CACNA2D1: variants seen among roughly 807,000 people sequenced by gnomAD.
The protein encoded by CACNA2D1 is voltage-dependent calcium channel subunit alpha-2/delta-1.
CACNA2D1 carries 53 observed loss-of-function variants against 171.5 expected under a neutral mutation model. The ratio of observed to expected loss-of-function variants is 0.31; its 90% CI spans 0.25 to 0.39. The LOEUF is 0.39. Among genes scored for constraint, CACNA2D1 ranks in the 10% least tolerant of loss-of-function variants. CACNA2D1 has a pLI of 1.00. For synonymous variants in CACNA2D1, 442 were observed against 443.1 expected (o/e 1.00, Z 0.03); for missense variants, 903 against 1,299.8 (o/e 0.69, Z 4.69).
rs369029521 is a variant in CACNA2D1 at position 82,069,938 on chromosome 7, T to C, written c.659-3414A>G. Among the ~76,000 whole-genome samples, 13 of 152,292 alleles carry C rather than the reference T, an allele frequency of 8.5e-5. 1 individual carries two copies. Among genetic ancestry groups the C allele is most frequent in the Admixed American group, 7.2e-4 (11 of 15,276 alleles). On this transcript the variant is annotated intron_variant, in intron 7 of 38. Coordinates refer to ENST00000356860, the MANE Select transcript of CACNA2D1 (RefSeq NM_000722.4). ...TGCCTTTAAAAGTCACTCCTGGTCCTTTGCCTAGATCTAATTGGTGGACCA... is the reference window on the plus strand; with the variant it reads ...TGCCTTTAAAAGTCACTCCTGGTCCCTTGCCTAGATCTAATTGGTGGACCA...
rs564828806 is a variant in CACNA2D1, at chr7:81,993,270, A to G, written c.1734+1598T>C. ...TGTAAATAGAGGTTCTGTGGGAAACATTTCCTAGGTGAGGAATTTCAAATT... is the reference window on the plus strand; with the variant it reads ...TGTAAATAGAGGTTCTGTGGGAAACGTTTCCTAGGTGAGGAATTTCAAATT... On this transcript the variant is annotated intron_variant, in intron 20 of 38. Coordinates refer to ENST00000356860, the MANE Select transcript of CACNA2D1 (RefSeq NM_000722.4). 1.1e-4 allele frequency among the ~76,000 whole-genome samples: 16 copies of G among 152,276 alleles called. No individual in the cohort carries two copies. In the East Asian group the frequency reaches 2.7e-3, roughly 26 times the overall value.
intron 3 of CACNA2D1, among the ~76,000 whole-genome samples, chr7:82,332,510 T>TAAAGAAAGAAGG (rs1817438477): frequency 1.1e-5 from 1 of 92,556 alleles, no homozygotes; most frequent in South Asian, 3.9e-4. Flanking sequence ...AAAAGAAATA[T>TAAAGAAAGAAGG]AAAGAAAGAA....
chr7:82,402,527 A>G (rs1826537603), intron 1 of CACNA2D1, among the ~76,000 whole-genome samples: 1 of 151,952 alleles, frequency 6.6e-6, no homozygotes, highest in South Asian at 2.1e-4. Flanking sequence ...CCTGGCTAAC[A>G]TGGTGAAACC....
chr7:81,978,753 G>GTGTGTGTGTA (rs145105210), intron 24 of CACNA2D1, among the ~76,000 whole-genome samples: 1,968 of 139,438 alleles, frequency 0.014, 50 homozygotes, highest in African/African-American at 0.05. Flanking sequence ...TTTAAAAAGT[G>GTGTGTGTGTA]TATATATATA....
chr7:82,262,260 C>G, intron 3 of CACNA2D1, among the ~76,000 whole-genome samples: 1 of 152,074 alleles, frequency 6.6e-6, no homozygotes, highest in East Asian at 1.9e-4. Context: ...GAACCCAGGA[C>G]GTGGAGCTTG....
At chr7:82,284,194 A>G (rs996265325) in intron 3 of CACNA2D1, among the ~76,000 whole-genome samples, 5 of 151,736 alleles carry the variant, frequency 3.3e-5, no homozygotes, top group Admixed American at 6.6e-5. Context: ...TCTCCAAAAA[A>G]AAAAAGAAAA....
At chr7:82,066,686 A>C (rs1227065249) in intron 7 of CACNA2D1, among the ~76,000 whole-genome samples, 162 bp from the exon 8 acceptor site, 1 of 152,174 alleles carries the variant, frequency 6.6e-6, no homozygotes, top group Non-Finnish European at 1.5e-5. Flanking sequence ...TATTGCTTTA[A>C]CATGGAAAAC....
At chr7:82,201,039 T>C (rs1397548337) in intron 3 of CACNA2D1, among the ~76,000 whole-genome samples, 1 of 152,174 alleles carries the variant, frequency 6.6e-6, no homozygotes, top group Non-Finnish European at 1.5e-5. Flanking sequence ...TTCAAGTATA[T>C]CTACTGTTAG....
intron 11 of CACNA2D1, among the ~76,000 whole-genome samples, chr7:82,036,790 T>A (rs1803329927): frequency 6.6e-6 from 1 of 152,214 alleles, no homozygotes; most frequent in Non-Finnish European, 1.5e-5. Context: ...AACAAACTCA[T>A]ATTTGCATAA....
chr7:81,984,601 A>C, intron 22 of CACNA2D1, 34 bp downstream of exon 22: 1 of 1,214,440 alleles, frequency 8.2e-7, no homozygotes, highest in Non-Finnish European at 1.2e-6. Context: ...AGGAGATAAC[A>C]AATGGACCCT....
intron 4 of CACNA2D1, among the ~76,000 whole-genome samples, chr7:82,140,187 A>T (rs1482069335): frequency 6.6e-6 from 1 of 152,146 alleles, no homozygotes; most frequent in Non-Finnish European, 1.5e-5. Context: ...TTTTATAGAA[A>T]ACAACAAAAT....
chr7:82,382,980 C>T (rs1304575388), intron 1 of CACNA2D1, among the ~76,000 whole-genome samples: 1 of 152,178 alleles, frequency 6.6e-6, no homozygotes, highest in East Asian at 1.9e-4. Flanking sequence ...CCATTCAATA[C>T]TTCTGTTGAA....
At chr7:81,984,761 A>G (rs1796784673) in intron 21 of CACNA2D1, 50 bp from the exon 22 acceptor site, 4 of 958,556 alleles carry the variant, frequency 4.2e-6, no homozygotes, top group African/African-American at 1.6e-5. Context: ...AAAATGAAAC[A>G]TAACTTAAAA....
At chr7:82,058,137 T>G (rs1806170109) in intron 10 of CACNA2D1, among the ~76,000 whole-genome samples, 2 of 152,152 alleles carry the variant, frequency 1.3e-5, no homozygotes, top group African/African-American at 4.8e-5. Flanking sequence ...AAGTGAATAT[T>G]ACGTATGGCT....
chr7:82,370,696 C>T (rs1822307744), intron 1 of CACNA2D1, among the ~76,000 whole-genome samples: 2 of 151,454 alleles, frequency 1.3e-5, no homozygotes, highest in Non-Finnish European at 2.9e-5. Context: ...AATACCTATT[C>T]TCAATTTATC....
At chr7:81,973,868 AAATAT>A (rs1795557335) in intron 25 of CACNA2D1, among the ~76,000 whole-genome samples, 1 of 152,054 alleles carries the variant, frequency 6.6e-6, no homozygotes. Flanking sequence ...CCTGAAAGAC[AAATAT>A]AATGGTTAAA....
chr7:81,978,882 A>T (rs1282483129), intron 24 of CACNA2D1, among the ~76,000 whole-genome samples: 1 of 151,472 alleles, frequency 6.6e-6, no homozygotes, highest in Non-Finnish European at 1.5e-5. Flanking sequence ...TGAAGTGGAC[A>T]TTCATTGGCC....
chr7:82,037,348 G>A (rs1041380324), intron 11 of CACNA2D1, among the ~76,000 whole-genome samples: 4 of 152,056 alleles, frequency 2.6e-5, no homozygotes, highest in African/African-American at 4.8e-5. Flanking sequence ...GCATGGTGGC[G>A]GGTGCCTGTA....
At chr7:82,040,452 CAA>C (rs34257660) in intron 10 of CACNA2D1, among the ~76,000 whole-genome samples, 6,821 of 106,322 alleles carry the variant, frequency 0.064, 128 homozygotes, top group Admixed American at 0.097. Flanking sequence ...ATAATTTATT[CAA>C]AAAAAAAAAA....
Sources: allele counts gnomAD v4.1 joint callset (sites outside exome capture counted in the v4.1 genomes callset), GRCh38; gene constraint gnomAD v4.1.1; transcripts MANE v1.5; gene names NCBI Gene and HGNC (gene_info 2026-07-23, HGNC 2026-07-21).